The following TPTE variants were observed in gnomAD, a reference collection of about 807,000 sequenced individuals.
TPTE encodes transmembrane phosphatase with tensin homology.
In TPTE, 59 loss-of-function variants were observed where a neutral mutation model predicts 84.1. The ratio of observed to expected loss-of-function variants is 0.70; its 90% CI spans 0.57 to 0.87. TPTE has a LOEUF of 0.87. Among genes scored for constraint, TPTE ranks in the 40% least tolerant of loss-of-function variants. TPTE has a pLI of 0.00. For synonymous variants in TPTE, 130 were observed against 223.5 expected, an observed-to-expected ratio of 0.58 and a Z score of 3.73; for missense variants, 382 against 659.6, an observed-to-expected ratio of 0.58 and a Z score of 4.61.
chr21:10,549,710 A>G (rs1436539970), intron 7 of TPTE, among the ~76,000 whole-genome samples: 1 of 152,312 alleles, frequency 6.6e-6, no homozygotes, highest in Non-Finnish European at 1.5e-5. Flanking sequence ...AATTTGGTCA[A>G]ATATTCATAT....
intron 17 of TPTE, among the ~76,000 whole-genome samples, chr21:10,588,473 T>G (rs1380103367): frequency 1.3e-5 from 2 of 152,306 alleles, no homozygotes; most frequent in Non-Finnish European, 2.9e-5. Context: ...TTGGATAGTC[T>G]GGTGAGTATA....
At chr21:10,562,024 G>A (rs2074815738) in intron 10 of TPTE, among the ~76,000 whole-genome samples, 1 of 152,300 alleles carries the variant, frequency 6.6e-6, no homozygotes, top group African/African-American at 2.4e-5. Context: ...CAAGCTTTAG[G>A]TGCCTCAGAA....
At chr21:10,539,193 C>T (rs1266896909) in intron 4 of TPTE, among the ~76,000 whole-genome samples, 1 of 152,308 alleles carries the variant, frequency 6.6e-6, no homozygotes. Context: ...GGAGAAAATC[C>T]TATTTGCAAC....
intron 17 of TPTE, among the ~76,000 whole-genome samples, chr21:10,589,049 G>A (rs1178942448): frequency 1.3e-5 from 2 of 152,312 alleles, no homozygotes; most frequent in Non-Finnish European, 2.9e-5. Context: ...TGATCCTTTG[G>A]CAGTGTCACT....
intron 23 of TPTE, among the ~76,000 whole-genome samples, chr21:10,604,937 A>G (rs1979091602): frequency 6.6e-6 from 1 of 152,300 alleles, no homozygotes; most frequent in Non-Finnish European, 1.5e-5. Context: ...ACGAGGCATA[A>G]ATGGGTTAAC....
intron 8 of TPTE, among the ~76,000 whole-genome samples, chr21:10,553,297 G>A (rs2074616744): frequency 6.6e-6 from 1 of 152,304 alleles, no homozygotes; most frequent in African/African-American, 2.4e-5. Context: ...ACATATTCAG[G>A]AGATTTTTCT....
intron 3 of TPTE, among the ~76,000 whole-genome samples, chr21:10,536,762 G>C (rs1267578258): frequency 6.6e-6 from 1 of 152,308 alleles, no homozygotes; most frequent in African/African-American, 2.4e-5. Context: ...AAAAGGAACA[G>C]GGCAAAAAAG....
chr21:10,598,933 G>T (rs1405906870), intron 21 of TPTE, among the ~76,000 whole-genome samples: 24 of 152,390 alleles, frequency 1.6e-4, no homozygotes, highest in African/African-American at 5.5e-4. Flanking sequence ...TTGGCTTTGT[G>T]TTCTTAGCAA....
intron 23 of TPTE, among the ~76,000 whole-genome samples, chr21:10,604,364 G>A (rs1426936843): frequency 2.0e-5 from 3 of 152,302 alleles, no homozygotes; most frequent in African/African-American, 7.2e-5. Context: ...CAATACAAAA[G>A]GACAAAATAT....
chr21:10,569,745 A>G lies in TPTE; in HGVS notation c.729A>G (p.Thr243=). The change falls in exon 13 of 24, where the codon ACA becomes ACG. Residue 243 remains threonine, a splice_region_variant and synonymous_variant. Transcript: ENST00000618007. ...DGFDLDLTYV[T]ERIIAMSFPS... ...TTGACCTAGACCTCACTTACGTTAC[A>G]GGTTTGTGACACTTAACCGTTGATT... 6.2e-7 allele frequency: 1 copy of G among 1,614,038 alleles called. No homozygotes were observed. The highest frequency in any genetic ancestry group is 8.5e-7 in the Non-Finnish European group (1 of 1,179,864).
rs112300607 is a variant in TPTE, at chr21:10,561,240, A to G, written c.446+49A>G. On this transcript the variant is annotated intron_variant, in intron 10 of 23. Coordinates refer to ENST00000618007, the MANE Select transcript of TPTE (RefSeq NM_199261.4). ...GCATTAAGCTACTTTGTAGTTTTAT[A>G]AGAAGCACTTTCGGAGGCTGAGGTG... The G allele has an allele frequency of 4.5e-3, 7,204 of 1,601,130 alleles. 1 individual carries two copies. In the African/African-American group the frequency reaches 0.088, roughly 20 times the overall value.
chr21:10,533,139 CTTTA>C (rs2074207621), intron 3 of TPTE, among the ~76,000 whole-genome samples: 1 of 152,304 alleles, frequency 6.6e-6, no homozygotes, highest in Non-Finnish European at 1.5e-5. Context: ...AGTATGTTCT[CTTTA>C]TTCTTTTCTA....
At chr21:10,575,478 C>T (rs1487710005) in intron 14 of TPTE, among the ~76,000 whole-genome samples, 1 of 152,426 alleles carries the variant, frequency 6.6e-6, no homozygotes, top group African/African-American at 2.4e-5. Flanking sequence ...AGGAAGGATC[C>T]CCCACAGTGC....
intron 2 of TPTE, among the ~76,000 whole-genome samples, chr21:10,526,382 T>C (rs2074079355): frequency 6.6e-6 from 1 of 152,430 alleles, no homozygotes; most frequent in Non-Finnish European, 1.5e-5. Flanking sequence ...CAAAATTAGT[T>C]TGTGTAGGGG....
At chr21:10,545,470 C>G (rs556087385) in intron 7 of TPTE, among the ~76,000 whole-genome samples, 2 of 152,422 alleles carry the variant, frequency 1.3e-5, no homozygotes, top group East Asian at 3.8e-4. Flanking sequence ...TCTGAAGTCA[C>G]TTGACCTGAA....
chr21:10,605,489 T>G lies in TPTE; in HGVS notation c.1593T>G (p.Phe531Leu). ...QKARRIYPSD[F>L]AVEILFGEKM... ...CACGGAGAATTTATCCATCAGATTT[T>G]GCCGTGGAGATACTTTTTGGCGAGA... Residue 531 changes from phenylalanine to leucine, a missense_variant, in exon 24 of 24, where the codon TTT (phenylalanine) becomes TTG (leucine). Physicochemically the swap from Phe to Leu is conservative, Grantham distance 22. This residue lies in a region of TPTE where 120 missense variants were observed against 79.1 expected (regional missense o/e 1.52). Transcript: ENST00000618007. 2 of 1,614,254 alleles carry G rather than the reference T, an allele frequency of 1.2e-6. No homozygotes were observed. Among genetic ancestry groups the G allele is most frequent in the South Asian group, 2.2e-5 (2 of 91,088 alleles).
chr21:10,521,608 C>T lies in TPTE; in HGVS notation c.-297C>T, dbSNP rs2073973685. On this transcript the variant is annotated 5_prime_UTR_variant, in exon 1 of 24. Transcript: ENST00000618007. ...ACAACAGCTGCTACCTGAACAGTTTCTGACCCAACAGTTACCCAGCGCCGG... is the reference window on the plus strand; with the variant it reads ...ACAACAGCTGCTACCTGAACAGTTTTTGACCCAACAGTTACCCAGCGCCGG... 1 of 133,532 alleles carries T rather than the reference C, an allele frequency of 7.5e-6. No individual in the cohort carries two copies. Among genetic ancestry groups the T allele is most frequent in the South Asian group, 2.4e-4 (1 of 4,204 alleles). 8.3% of individuals were successfully genotyped at this position (133,532 alleles called of 1,614,324 possible). A position where few individuals can be genotyped will look rare whatever the true frequency, so the allele number is the denominator to read the frequency against.
At chr21:10,571,806 A>G (rs1230124371) in intron 14 of TPTE, among the ~76,000 whole-genome samples, 6 of 152,306 alleles carry the variant, frequency 3.9e-5, no homozygotes, top group African/African-American at 1.4e-4. Context: ...CAGGAGTTCA[A>G]GACAAGCCTG....
intron 21 of TPTE, among the ~76,000 whole-genome samples, chr21:10,599,591 G>A (rs1287523920): frequency 6.6e-6 from 1 of 152,026 alleles, no homozygotes; most frequent in African/African-American, 2.4e-5. Context: ...AGTGTTATAT[G>A]TGATAATTAT....
Sources: gnomAD v4.1 joint callset for allele counts (sites outside exome capture counted in the v4.1 genomes callset) on GRCh38, gnomAD v4.1.1 for gene constraint, gnomAD v4.1.1 regional missense constraint, MANE v1.5 for transcripts, NCBI Gene and HGNC (gene_info 2026-07-23, HGNC 2026-07-21) for gene names.